The following CA10 variants were observed in gnomAD, a reference collection of about 807,000 sequenced individuals.
CA10 encodes carbonic anhydrase-related protein 10.
A neutral mutation model predicts 44.2 loss-of-function variants in CA10; 14 were observed. The ratio of observed to expected loss-of-function variants is 0.32; its 90% confidence interval spans 0.21 to 0.50. The LOEUF is 0.50. Ranked by LOEUF, CA10 falls within the 20% of genes least tolerant of loss-of-function variation. The pLI is 0.99. For synonymous variants in CA10, 159 were observed against 141.6 expected, an observed-to-expected ratio of 1.12 and a Z score of -0.87; for missense variants, 350 against 409.7, an observed-to-expected ratio of 0.85 and a Z score of 1.26.
At chr17:51,966,371 A>T (rs1984081214) in intron 2 of CA10, among the ~76,000 whole-genome samples, 1 of 151,986 alleles carries the variant, frequency 6.6e-6, no homozygotes, top group Admixed American at 6.6e-5. Context: ...TAAAATTTAT[A>T]TGAAACTCAA....
chr17:52,128,383 A>G (rs1989164061), intron 1 of CA10, among the ~76,000 whole-genome samples: 1 of 152,190 alleles, frequency 6.6e-6, no homozygotes, highest in South Asian at 2.1e-4. Flanking sequence ...TCTTGAAAGA[A>G]AGATGTACTT....
At chr17:51,874,388 TAAA>T (rs780808287) in intron 3 of CA10, among the ~76,000 whole-genome samples, 1 of 127,456 alleles carries the variant, frequency 7.8e-6, no homozygotes, top group African/African-American at 2.8e-5. Context: ...GAGTAATTAT[TAAA>T]AAAAAAAAAA....
intron 3 of CA10, among the ~76,000 whole-genome samples, chr17:51,800,391 T>C (rs896064912): frequency 1.3e-5 from 2 of 152,150 alleles, no homozygotes; most frequent in African/African-American, 4.8e-5. Context: ...AATGGAGTGA[T>C]TAAAATGTTT....
At chr17:51,996,926 T>C (rs1305892870) in intron 2 of CA10, among the ~76,000 whole-genome samples, 1 of 152,034 alleles carries the variant, frequency 6.6e-6, no homozygotes, top group Admixed American at 6.6e-5. Flanking sequence ...TGCACAACAA[T>C]TTCCCCCAGA....
At chr17:51,985,339 C>T (rs114156716) in intron 2 of CA10, among the ~76,000 whole-genome samples, 2 of 151,774 alleles carry the variant, frequency 1.3e-5, no homozygotes, top group Non-Finnish European at 2.9e-5. Context: ...AAACTCTCAA[C>T]AAAATTGGCA....
chr17:51,803,645 G>A (rs1331175079), intron 3 of CA10, among the ~76,000 whole-genome samples: 1 of 152,218 alleles, frequency 6.6e-6, no homozygotes, highest in South Asian at 2.1e-4. Flanking sequence ...GCTTTAGTCA[G>A]TTTAGGAGCA....
intron 3 of CA10, among the ~76,000 whole-genome samples, chr17:51,866,231 G>A (rs1173505943): frequency 6.6e-6 from 1 of 152,178 alleles, no homozygotes; most frequent in East Asian, 1.9e-4. Flanking sequence ...GCCCCAGGAA[G>A]GTACTAGGTT....
At chr17:51,900,736 G>A (rs938282829) in intron 3 of CA10, among the ~76,000 whole-genome samples, 1 of 151,752 alleles carries the variant, frequency 6.6e-6, no homozygotes, top group African/African-American at 2.4e-5. Context: ...CTTTATTTTT[G>A]TCTAAGTTAT....
intron 4 of CA10, among the ~76,000 whole-genome samples, chr17:51,675,718 A>T (rs925313063): frequency 6.6e-6 from 1 of 151,986 alleles, no homozygotes; most frequent in African/African-American, 2.4e-5. Context: ...TGCGTCTCAA[A>T]AAAAAAAACA....
At position 51,749,612 on chromosome 17, in the gene CA10, T is replaced by C. The variant is rs80114174; in HGVS notation, c.280-1794A>G. On this transcript the variant is annotated intron_variant, in intron 3 of 8. Coordinates refer to ENST00000451037, the MANE Select transcript of CA10 (RefSeq NM_020178.5). ...CTCTAAATTTTGGGGTGGTTTGTTATGCAGCAAAAGGGAACTGATAGACAC... is the reference window on the plus strand; with the variant it reads ...CTCTAAATTTTGGGGTGGTTTGTTACGCAGCAAAAGGGAACTGATAGACAC... Among the ~76,000 whole-genome samples the C allele has an allele frequency of 7.1e-4, 108 of 152,362 alleles. 1 individual carries two copies. The East Asian group carries it at 0.019, about 27-fold the overall frequency.
At chr17:51,932,312 A>G (rs1773904755) in intron 2 of CA10, among the ~76,000 whole-genome samples, 1 of 152,170 alleles carries the variant, frequency 6.6e-6, no homozygotes, top group African/African-American at 2.4e-5. Context: ...CTCAAGTTTA[A>G]TTAAACTTAA....
At chr17:51,885,427 T>C (rs770256776) in intron 3 of CA10, among the ~76,000 whole-genome samples, 6 of 152,190 alleles carry the variant, frequency 3.9e-5, no homozygotes, top group Admixed American at 6.5e-5. Context: ...TCCTGGATCT[T>C]ACTCAAACAC....
intron 3 of CA10, among the ~76,000 whole-genome samples, chr17:51,917,139 G>A (rs941226567): frequency 5.9e-5 from 9 of 152,128 alleles, no homozygotes; most frequent in Admixed American, 1.3e-4. Flanking sequence ...ATAAAAAAGG[G>A]GGCTTATATG....
chr17:52,043,079 CT>C (rs985956432), intron 2 of CA10, among the ~76,000 whole-genome samples: 42 of 151,892 alleles, frequency 2.8e-4, no homozygotes, highest in African/African-American at 9.9e-4. Context: ...ATATTCAGAG[CT>C]GTTTGTGGTT....
At chr17:52,107,037 G>A (rs370515285) in intron 1 of CA10, among the ~76,000 whole-genome samples, 1 of 152,030 alleles carries the variant, frequency 6.6e-6, no homozygotes, top group African/African-American at 2.4e-5. Context: ...AAGATCTTTC[G>A]ATTCCATATA....
At chr17:51,835,495 C>T (rs1359198699) in intron 3 of CA10, among the ~76,000 whole-genome samples, 2 of 152,234 alleles carry the variant, frequency 1.3e-5, no homozygotes, top group Non-Finnish European at 2.9e-5. Context: ...TCAGGCTTTC[C>T]TCCTCTGCTA....
At chr17:51,820,335 T>C (rs543681666) in intron 3 of CA10, among the ~76,000 whole-genome samples, 30 of 151,362 alleles carry the variant, frequency 2.0e-4, no homozygotes, top group Non-Finnish European at 4.3e-4. Flanking sequence ...AGTCAATGTT[T>C]GTCGGATGAC....
At chr17:52,140,258 A>G (rs539041963) in intron 1 of CA10, among the ~76,000 whole-genome samples, 35 of 152,346 alleles carry the variant, frequency 2.3e-4, no homozygotes, top group Admixed American at 2.1e-3. Context: ...AAAAGTTTAT[A>G]TTAATTAATG....
chr17:51,647,617 T>C (rs1913393276), intron 6 of CA10, among the ~76,000 whole-genome samples: 1 of 152,192 alleles, frequency 6.6e-6, no homozygotes, highest in African/African-American at 2.4e-5. Context: ...GGTAATCTGT[T>C]AGACTGTGTG....
Sources: gnomAD v4.1 joint callset for allele counts (sites outside exome capture counted in the v4.1 genomes callset) on GRCh38, gnomAD v4.1.1 for gene constraint, MANE v1.5 for transcripts, NCBI Gene and HGNC (gene_info 2026-07-23, HGNC 2026-07-21) for gene names.